Variants in NTM observed in about 807,000 individuals in gnomAD.
The protein encoded by NTM is IgLON family member 2.
In NTM, 13 loss-of-function variants were observed where a neutral mutation model predicts 42.1. The ratio of observed to expected loss-of-function variants is 0.31; its 90% CI spans 0.20 to 0.49. The LOEUF is 0.49. Among genes scored for constraint, NTM ranks in the 20% least tolerant of loss-of-function variants. The pLI is 0.99. For synonymous variants in NTM, 187 were observed against 179.2 expected (o/e 1.04, Z -0.35); for missense variants, 373 against 452.8 (o/e 0.82, Z 1.60).
chr11:132,310,966 T>G (rs1297728541), intron 6 of NTM, among the ~76,000 whole-genome samples: 1 of 152,158 alleles, frequency 6.6e-6, no homozygotes, highest in East Asian at 1.9e-4. Context: ...GGGCAAGAGC[T>G]GCCTGTGTTC....
chr11:132,285,669 T>A (rs1226931422), intron 4 of NTM, among the ~76,000 whole-genome samples: 1 of 152,170 alleles, frequency 6.6e-6, no homozygotes, highest in East Asian at 1.9e-4. Flanking sequence ...GCAATATGAG[T>A]TTAGCTCTTA....
At chr11:131,596,103 T>C (rs2059790171) in intron 1 of NTM, among the ~76,000 whole-genome samples, 4 of 152,328 alleles carry the variant, frequency 2.6e-5, no homozygotes, top group South Asian at 4.1e-4. Flanking sequence ...ACCTCCCTTG[T>C]GGCTGAACCT....
At chr11:132,093,157 T>G (rs1314749277) in intron 2 of NTM, among the ~76,000 whole-genome samples, 1 of 152,220 alleles carries the variant, frequency 6.6e-6, no homozygotes, top group Admixed American at 6.5e-5. Flanking sequence ...TCTTACATGT[T>G]TCATTTCTAC....
chr11:131,659,787 C>G (rs914736908), intron 1 of NTM, among the ~76,000 whole-genome samples: 1 of 152,138 alleles, frequency 6.6e-6, no homozygotes, highest in Non-Finnish European at 1.5e-5. Flanking sequence ...GCAACAGAAT[C>G]GGGGGACACG....
At chr11:131,685,941 G>A (rs2073821936) in intron 1 of NTM, among the ~76,000 whole-genome samples, 1 of 152,210 alleles carries the variant, frequency 6.6e-6, no homozygotes, top group African/African-American at 2.4e-5. Flanking sequence ...TACATAAGAA[G>A]TGCTATCCTG....
chr11:131,466,679 C>A (rs535659108), intron 1 of NTM, among the ~76,000 whole-genome samples: 1 of 152,278 alleles, frequency 6.6e-6, no homozygotes, highest in African/African-American at 2.4e-5. Context: ...TCCATGAATT[C>A]CCTCCTTTCC....
intron 1 of NTM, among the ~76,000 whole-genome samples, chr11:131,682,482 G>T (rs566118907): frequency 1.3e-5 from 2 of 152,302 alleles, no homozygotes; most frequent in South Asian, 4.1e-4. Flanking sequence ...CCCTCCTCGT[G>T]GCACGCATGC....
chr11:131,825,305 C>T (rs992107684), intron 1 of NTM, among the ~76,000 whole-genome samples: 14 of 151,826 alleles, frequency 9.2e-5, no homozygotes, highest in African/African-American at 3.4e-4. Flanking sequence ...TAACTAATTA[C>T]ACCTGCAATT....
chr11:131,561,851 G>A (rs933008386), intron 1 of NTM, among the ~76,000 whole-genome samples: 4 of 152,084 alleles, frequency 2.6e-5, no homozygotes. Flanking sequence ...AGGCAAACAG[G>A]ACTCACCCTT....
At chr11:132,273,428 C>G (rs573024902) in intron 4 of NTM, among the ~76,000 whole-genome samples, 2 of 142,092 alleles carry the variant, frequency 1.4e-5, no homozygotes, top group Admixed American at 7.4e-5. Flanking sequence ...TAGGGTAATA[C>G]TAGCTGCATA....
intron 2 of NTM, among the ~76,000 whole-genome samples, chr11:132,076,063 T>C (rs927488988): frequency 6.6e-6 from 1 of 152,248 alleles, no homozygotes; most frequent in Non-Finnish European, 1.5e-5. Context: ...TAAATAGCTG[T>C]ATTAATCTGA....
intron 1 of NTM, among the ~76,000 whole-genome samples, chr11:131,641,180 GT>G (rs1480050017): frequency 1.3e-5 from 2 of 152,206 alleles, no homozygotes; most frequent in Non-Finnish European, 2.9e-5. Context: ...CAACGATCAT[GT>G]TTTCCTTGTT....
At chr11:132,260,891 C>T (rs1482208641) in intron 4 of NTM, among the ~76,000 whole-genome samples, 3 of 152,178 alleles carry the variant, frequency 2.0e-5, no homozygotes, top group Non-Finnish European at 2.9e-5. Context: ...CTAGGCATCT[C>T]GCCTTGTTTT....
intron 1 of NTM, among the ~76,000 whole-genome samples, chr11:131,432,630 T>G (rs1030352782): frequency 2.6e-5 from 4 of 152,080 alleles, no homozygotes; most frequent in African/African-American, 4.8e-5. Flanking sequence ...GTGAAAATAA[T>G]TAAATATCAA....
At chr11:131,684,211 G>A (rs1326138499) in intron 1 of NTM, among the ~76,000 whole-genome samples, 5 of 152,160 alleles carry the variant, frequency 3.3e-5, no homozygotes, top group Admixed American at 1.3e-4. Context: ...GCAACGTGGG[G>A]TGAGCAGCCT....
At chr11:132,082,247 G>A (rs537524661) in intron 2 of NTM, among the ~76,000 whole-genome samples, 4 of 152,026 alleles carry the variant, frequency 2.6e-5, no homozygotes, top group Admixed American at 6.5e-5. Flanking sequence ...TTAGGCACAC[G>A]GACACATTGA....
chr11:131,958,038 G>A (rs1428954315), intron 2 of NTM, among the ~76,000 whole-genome samples: 1 of 152,100 alleles, frequency 6.6e-6, no homozygotes, highest in Non-Finnish European at 1.5e-5. Context: ...ATGCATTAGC[G>A]AGAGAATGTT....
At chr11:132,315,233 C>T (rs732897) in intron 7 of NTM, among the ~76,000 whole-genome samples, 24,098 of 152,142 alleles carry the variant, frequency 0.16, 2,427 homozygotes, top group Middle Eastern at 0.23. Flanking sequence ...TGTCTCCAGT[C>T]GCTGGGACAT....
intron 1 of NTM, among the ~76,000 whole-genome samples, chr11:131,577,669 G>A (rs1299427538): frequency 1.3e-5 from 2 of 152,188 alleles, no homozygotes; most frequent in African/African-American, 4.8e-5. Context: ...TCCCGCGGTG[G>A]TGTCTGCAGT....
Sources: allele counts gnomAD v4.1 joint callset (sites outside exome capture counted in the v4.1 genomes callset), GRCh38; gene constraint gnomAD v4.1.1; transcripts MANE v1.5; gene names NCBI Gene and HGNC (gene_info 2026-07-23, HGNC 2026-07-21).